The following PARD3B variants were observed in gnomAD, a reference collection of about 807,000 sequenced individuals.
The protein encoded by PARD3B is par-3 family cell polarity regulator beta, also known as partitioning defective 3 homolog B.
PARD3B carries 103 observed loss-of-function variants against 130.2 expected under a neutral mutation model. The ratio of observed to expected loss-of-function variants is 0.79; its 90% CI spans 0.67 to 0.93. The LOEUF (loss-of-function observed/expected upper bound fraction) is 0.93, where lower values mean the gene tolerates loss of function less well. Ranked by LOEUF, PARD3B falls within the 40% of genes least tolerant of loss-of-function variation. The probability of loss-of-function intolerance (pLI) is 0.00; values close to 1 mark genes in which losing one functional copy is unlikely to be tolerated. For missense variants in PARD3B, 1,609 were observed against 1,499.2 expected, an observed-to-expected ratio of 1.07 and a Z score of -1.21; for synonymous variants, 583 against 553.2, an observed-to-expected ratio of 1.05 and a Z score of -0.76.
intron 2 of PARD3B, among the ~76,000 whole-genome samples, chr2:204,878,246 C>A (rs974938534): frequency 6.6e-6 from 1 of 151,710 alleles, no homozygotes; most frequent in Non-Finnish European, 1.5e-5. Flanking sequence ...GAAGAAATTG[C>A]CTTTTTTAAT....
chr2:205,118,939 C>T lies in PARD3B; in HGVS notation c.699C>T (p.Ile233=). The change falls in exon 7 of 23, where the codon ATC becomes ATT. Residue 233 remains isoleucine (I), a synonymous_variant. Coordinates refer to ENST00000406610, the MANE Select transcript of PARD3B (RefSeq NM_001302769.2). The part of the protein sequence containing the change: ...SLSGRILGLF[I]RGIEDNSRSK... Reference sequence around the variant, plus strand: ...CATTTAGGATTCTAGGACTCTTCATCCGAGGCATTGAAGACAACAGCAGGT... The same window carrying T: ...CATTTAGGATTCTAGGACTCTTCATTCGAGGCATTGAAGACAACAGCAGGT... 6.2e-7 allele frequency: 1 copy of T among 1,603,180 alleles called. No individual in the cohort carries two copies. Among genetic ancestry groups the T allele is most frequent in the Non-Finnish European group, 8.5e-7 (1 of 1,175,454 alleles).
At chr2:205,378,182 A>G (rs546483721) in intron 18 of PARD3B, among the ~76,000 whole-genome samples, 2 of 152,292 alleles carry the variant, frequency 1.3e-5, no homozygotes, top group Admixed American at 6.5e-5. Flanking sequence ...CAGGGGGACC[A>G]AGGGTCCACC....
At chr2:204,726,930 C>G (rs2039256473) in intron 2 of PARD3B, among the ~76,000 whole-genome samples, 1 of 152,088 alleles carries the variant, frequency 6.6e-6, no homozygotes, top group Non-Finnish European at 1.5e-5. Context: ...TTCTACAATT[C>G]TTTAATCGTT....
chr2:205,505,089 A>C (rs1017507490), intron 21 of PARD3B, among the ~76,000 whole-genome samples: 7 of 152,196 alleles, frequency 4.6e-5, no homozygotes, highest in African/African-American at 1.4e-4. Flanking sequence ...TGTCGTTTGT[A>C]GGGACATGGA....
At chr2:204,770,604 G>A (rs1381237207) in intron 2 of PARD3B, among the ~76,000 whole-genome samples, 2 of 152,042 alleles carry the variant, frequency 1.3e-5, no homozygotes, top group Non-Finnish European at 2.9e-5. Context: ...AAATTGCTAA[G>A]ATGATCAGTC....
At chr2:205,108,385 A>T (rs1047577260) in intron 5 of PARD3B, among the ~76,000 whole-genome samples, 10 of 152,128 alleles carry the variant, frequency 6.6e-5, no homozygotes, top group African/African-American at 2.4e-4. Flanking sequence ...CAGAAATTTA[A>T]CACACCACTC....
intron 21 of PARD3B, among the ~76,000 whole-genome samples, chr2:205,544,411 T>G (rs1227223790): frequency 6.6e-6 from 1 of 152,148 alleles, no homozygotes; most frequent in Non-Finnish European, 1.5e-5. Flanking sequence ...CAGAGTTTGC[T>G]CTTCAAGCTT....
Position 205,572,923 on chromosome 2 carries a change from G to A in PARD3B, c.3260+19520G>A, listed in dbSNP as rs1451433607. Among the ~76,000 whole-genome samples the A allele has an allele frequency of 6.6e-6, 1 of 152,102 alleles. No homozygotes were observed. Among genetic ancestry groups the A allele is most frequent in the Non-Finnish European group, 1.5e-5 (1 of 68,008 alleles). The stretch of plus-strand genomic sequence containing the variant: ...GACTGGGTAATTTATAAAGGAAAGA[G>A]GTTTAATTGACTCACAGTTCAGCAT... On this transcript the variant is annotated intron_variant, in intron 22 of 22. Coordinates refer to ENST00000406610, the MANE Select transcript of PARD3B (RefSeq NM_001302769.2). The surrounding 1 kb of genome is among the most constrained non-coding windows in gnomAD (Gnocchi z 4.2).
intron 2 of PARD3B, among the ~76,000 whole-genome samples, chr2:204,936,620 A>G (rs530374426): frequency 6.6e-6 from 1 of 152,334 alleles, no homozygotes; most frequent in African/African-American, 2.4e-5. Context: ...AAATGTTCCA[A>G]ATTGTACAAG....
intron 1 of PARD3B, among the ~76,000 whole-genome samples, chr2:204,553,808 A>T (rs2030719204): frequency 6.6e-6 from 1 of 150,934 alleles, no homozygotes; most frequent in African/African-American, 2.4e-5. Flanking sequence ...GAAGTAACTC[A>T]GGAATGGAAA....
intron 22 of PARD3B, among the ~76,000 whole-genome samples, chr2:205,614,223 C>T (rs766704408): frequency 6.6e-6 from 1 of 152,138 alleles, no homozygotes; most frequent in Non-Finnish European, 1.5e-5. Flanking sequence ...TCAGAAGATG[C>T]TTGTTTTCTT....
At chr2:205,226,770 T>C (rs2038575135) in intron 15 of PARD3B, among the ~76,000 whole-genome samples, 1 of 152,224 alleles carries the variant, frequency 6.6e-6, no homozygotes, top group Non-Finnish European at 1.5e-5. Context: ...AGCTGTGTAG[T>C]ATAATTTGAA....
intron 2 of PARD3B, among the ~76,000 whole-genome samples, chr2:204,857,428 A>G (rs539544348): frequency 1.3e-5 from 2 of 152,190 alleles, no homozygotes; most frequent in South Asian, 2.1e-4. Context: ...TTCTAGGTTC[A>G]TGACTGAGGC....
intron 20 of PARD3B, among the ~76,000 whole-genome samples, chr2:205,493,378 A>C (rs972273574): frequency 2.6e-4 from 39 of 152,292 alleles, no homozygotes; most frequent in African/African-American, 8.9e-4. Context: ...GGCGTTCTTA[A>C]AGGGTACCAA....
intron 3 of PARD3B, among the ~76,000 whole-genome samples, chr2:205,046,175 G>A (rs1400869038): frequency 1.3e-5 from 2 of 151,920 alleles, no homozygotes; most frequent in Non-Finnish European, 2.9e-5. Flanking sequence ...CTAAGGGACA[G>A]AAAAAGATAC....
At chr2:205,524,332 C>T (rs80297398) in intron 21 of PARD3B, among the ~76,000 whole-genome samples, 9,984 of 152,006 alleles carry the variant, frequency 0.066, 533 homozygotes, top group African/African-American at 0.14. Flanking sequence ...TAGAAGAGTC[C>T]CCTCAAACCT....
rs777015773 is a variant in PARD3B at position 205,590,042 on chromosome 2, T to C, written c.3261-25414T>C. Among the ~76,000 whole-genome samples the C allele has an allele frequency of 2.0e-5, 3 of 150,892 alleles. No homozygotes were observed. Among genetic ancestry groups the C allele is most frequent in the Non-Finnish European group, 4.4e-5 (3 of 68,038 alleles). ...GACCACTGGCTCTTTCTAAGTATTT[T>C]ATCCTCTAGTACTTACATTCATACC... is the stretch of plus-strand genomic sequence containing the variant. On this transcript the variant is annotated intron_variant, in intron 22 of 22. Transcript: ENST00000406610. This position sits in a 1 kb window ranked among gnomAD's most constrained non-coding sequence, Gnocchi z 4.1.
chr2:204,903,106 T>C (rs1033609639), intron 2 of PARD3B, among the ~76,000 whole-genome samples: 4 of 152,264 alleles, frequency 2.6e-5, no homozygotes, highest in South Asian at 4.1e-4. Flanking sequence ...CATTTTCCCA[T>C]GTAGGCCTTT....
At chr2:205,490,936 C>T (rs1003112371) in intron 20 of PARD3B, among the ~76,000 whole-genome samples, 36 of 152,262 alleles carry the variant, frequency 2.4e-4, no homozygotes, top group African/African-American at 4.3e-4. Flanking sequence ...TCATATCCTT[C>T]GCCCACTTTT....
Sources: gnomAD v4.1 joint callset for allele counts (sites outside exome capture counted in the v4.1 genomes callset) on GRCh38, gnomAD v4.1.1 for gene constraint, Gnocchi (gnomAD v3.1) non-coding constraint, MANE v1.5 for transcripts, NCBI Gene and HGNC (gene_info 2026-07-23, HGNC 2026-07-21) for gene names.